The following SGCZ variants were observed in gnomAD, a reference collection of about 807,000 sequenced individuals.
The protein encoded by SGCZ is sarcoglycan zeta, also known as zeta-sarcoglycan.
SGCZ carries 40 observed loss-of-function variants against 41.3 expected under a neutral mutation model. The observed-to-expected ratio is 0.97, with a 90% CI of 0.75 to 1.26. The LOEUF (loss-of-function observed/expected upper bound fraction) is 1.26. Among genes scored for constraint, SGCZ ranks in the 50% most tolerant of loss-of-function variants. SGCZ has a pLI of 0.00. For missense variants in SGCZ, 552 were observed against 369.8 expected, an observed-to-expected ratio of 1.49 and a Z score of -4.04; for synonymous variants, 206 against 137.5, an observed-to-expected ratio of 1.50 and a Z score of -3.49.
intron 4 of SGCZ, among the ~76,000 whole-genome samples, chr8:14,168,764 C>A (rs1161922075): frequency 2.0e-5 from 3 of 152,062 alleles, no homozygotes; most frequent in African/African-American, 7.2e-5. Context: ...ACTCATTGTG[C>A]AACATTTGCA....
intron 1 of SGCZ, among the ~76,000 whole-genome samples, chr8:14,658,237 T>C (rs1389371977): frequency 6.6e-6 from 1 of 152,186 alleles, no homozygotes; most frequent in Non-Finnish European, 1.5e-5. Context: ...AATTCACTAA[T>C]GTATTTTCAG....
intron 1 of SGCZ, among the ~76,000 whole-genome samples, chr8:15,163,616 G>C (rs1033180585): frequency 6.6e-6 from 1 of 152,108 alleles, no homozygotes; most frequent in Admixed American, 6.6e-5. Flanking sequence ...CTTAACTAGA[G>C]ACCCTAAAGT....
chr8:14,366,641 T>TA (rs1585412030), intron 2 of SGCZ, among the ~76,000 whole-genome samples: 1 of 152,168 alleles, frequency 6.6e-6, no homozygotes, highest in East Asian at 1.9e-4. Context: ...ACAAACTCCA[T>TA]AGTCAAAAGT....
At chr8:14,855,923 T>C (rs1445226416) in intron 1 of SGCZ, among the ~76,000 whole-genome samples, 1 of 152,138 alleles carries the variant, frequency 6.6e-6, no homozygotes, top group African/African-American at 2.4e-5. Context: ...CAACTTTTCA[T>C]TAAAGGCCGA....
intron 3 of SGCZ, among the ~76,000 whole-genome samples, chr8:14,310,401 G>C (rs965845227): frequency 2.0e-5 from 3 of 152,202 alleles, no homozygotes; most frequent in East Asian, 1.9e-4. Flanking sequence ...ACTCAAATCA[G>C]TGATCTATGT....
intron 5 of SGCZ, among the ~76,000 whole-genome samples, chr8:14,114,005 C>G (rs906643798): frequency 1.3e-5 from 2 of 151,976 alleles, no homozygotes; most frequent in African/African-American, 4.8e-5. Context: ...GCTTGCTTCT[C>G]CTTCTGCCCA....
At chr8:14,234,858 C>A (rs969385931) in intron 4 of SGCZ, among the ~76,000 whole-genome samples, 4 of 152,122 alleles carry the variant, frequency 2.6e-5, no homozygotes, top group Non-Finnish European at 2.9e-5. Flanking sequence ...ATGGGATACA[C>A]TTTCTGTGTT....
intron 3 of SGCZ, among the ~76,000 whole-genome samples, chr8:14,261,059 G>A (rs551022103): frequency 5.9e-5 from 9 of 151,838 alleles, no homozygotes; most frequent in Admixed American, 5.9e-4. Context: ...TAACTAACCT[G>A]CCCAATGTGC....
chr8:14,844,177 T>A, intron 1 of SGCZ, among the ~76,000 whole-genome samples: 1 of 152,120 alleles, frequency 6.6e-6, no homozygotes, highest in Non-Finnish European at 1.5e-5. Flanking sequence ...TATTTACATA[T>A]AACCTACACA....
chr8:14,818,564 G>A (rs1313413447), intron 1 of SGCZ, among the ~76,000 whole-genome samples: 1 of 152,012 alleles, frequency 6.6e-6, no homozygotes, highest in Non-Finnish European at 1.5e-5. Context: ...AGTACAATAA[G>A]TCTCCACTAA....
At chr8:14,505,640 G>A (rs985557176) in intron 2 of SGCZ, among the ~76,000 whole-genome samples, 2 of 151,954 alleles carry the variant, frequency 1.3e-5, no homozygotes, top group Admixed American at 1.3e-4. Flanking sequence ...ATCTACAATT[G>A]TTCTCTAGGA....
chr8:14,862,543 T>G (rs1242480326), intron 1 of SGCZ, among the ~76,000 whole-genome samples: 18 of 53,796 alleles, frequency 3.3e-4, no homozygotes, highest in East Asian at 1.5e-3. Flanking sequence ...AAGATATATA[T>G]ATATATATAT....
intron 1 of SGCZ, among the ~76,000 whole-genome samples, chr8:14,807,233 A>G (rs534614891): frequency 0.049 from 7,385 of 152,188 alleles, 268 homozygotes; most frequent in Non-Finnish European, 0.074. Context: ...TGGCCAGGGC[A>G]ATTAGGCAGG....
At chr8:14,501,859 T>C (rs1001131595) in intron 2 of SGCZ, among the ~76,000 whole-genome samples, 2 of 152,128 alleles carry the variant, frequency 1.3e-5, no homozygotes, top group African/African-American at 4.8e-5. Flanking sequence ...TATTTTAATA[T>C]ACATTTGCCA....
At chr8:15,130,835 T>C (rs764904820) in intron 1 of SGCZ, among the ~76,000 whole-genome samples, 1 of 152,190 alleles carries the variant, frequency 6.6e-6, no homozygotes, top group Non-Finnish European at 1.5e-5. Context: ...GGGATATGAA[T>C]GACAAAATCA....
chr8:14,640,299 A>G (rs1806979655), intron 1 of SGCZ, among the ~76,000 whole-genome samples: 1 of 151,632 alleles, frequency 6.6e-6, no homozygotes, highest in African/African-American at 2.4e-5. Context: ...TGTTCTTACA[A>G]AGTTTGGGTA....
chr8:14,396,870 T>G (rs1256386228), intron 2 of SGCZ, among the ~76,000 whole-genome samples: 1 of 152,064 alleles, frequency 6.6e-6, no homozygotes, highest in Non-Finnish European at 1.5e-5. Flanking sequence ...TATTGTGCAT[T>G]TAAAAAAAGA....
At chr8:14,223,077 T>A (rs1029713241) in intron 4 of SGCZ, among the ~76,000 whole-genome samples, 6 of 152,078 alleles carry the variant, frequency 3.9e-5, no homozygotes, top group Middle Eastern at 3.2e-3. Flanking sequence ...CCCAAAGTGC[T>A]GGGATTACAT....
At chr8:14,532,285 G>A (rs939421428) in intron 2 of SGCZ, among the ~76,000 whole-genome samples, 1 of 152,038 alleles carries the variant, frequency 6.6e-6, no homozygotes, top group African/African-American at 2.4e-5. Context: ...TTACTTTTCA[G>A]CAGCAGAAGC....
Sources: allele counts gnomAD v4.1 joint callset (sites outside exome capture counted in the v4.1 genomes callset), GRCh38; gene constraint gnomAD v4.1.1; transcripts MANE v1.5; gene names NCBI Gene and HGNC (gene_info 2026-07-23, HGNC 2026-07-21).